The following SYN2 variants were observed in gnomAD, a reference collection of about 807,000 sequenced individuals.
The protein encoded by SYN2 is synapsin-2.
SYN2 carries 19 observed loss-of-function variants against 50.9 expected under a neutral mutation model. That is an observed-to-expected ratio of 0.37 (90% confidence interval 0.26 to 0.55). The LOEUF (loss-of-function observed/expected upper bound fraction) is 0.55, where lower values mean the gene tolerates loss of function less well. SYN2 is among the 20% of genes least tolerant of loss of function. The pLI is 0.81. For synonymous variants in SYN2, 255 were observed against 224.9 expected, an observed-to-expected ratio of 1.13 and a Z score of -1.20; for missense variants, 587 against 576.4, an observed-to-expected ratio of 1.02 and a Z score of -0.19.
rs778632244 is a variant in SYN2, at chr3:12,183,449, G to A, written c.1369+77G>A. The A allele has an allele frequency of 4.3e-6, 7 of 1,609,566 alleles. No homozygotes were observed. In the Admixed American group the frequency reaches 6.8e-5, roughly 16 times the overall value. ...AAGTCCAAGCTTCTTAAAATGATTG[G>A]TGGTTAATTTTTCAAAGCAGAAATT... On this transcript the variant is annotated intron_variant, in intron 11 of 12. Transcript: ENST00000621198.
chr3:12,180,666 A>G (rs1698201492), intron 10 of SYN2, among the ~76,000 whole-genome samples: 1 of 152,126 alleles, frequency 6.6e-6, no homozygotes. Flanking sequence ...ATCTCAGTGG[A>G]GCCGGGGCCA....
chr3:12,016,617 G>A (rs1694034267), intron 1 of SYN2, among the ~76,000 whole-genome samples: 2 of 152,206 alleles, frequency 1.3e-5, no homozygotes, highest in African/African-American at 4.8e-5. Flanking sequence ...AGCTCTTTGG[G>A]AAGCTGAGGC....
chr3:12,187,420 C>T lies in SYN2; in HGVS notation c.1421C>T (p.Pro474Leu), dbSNP rs1207715223. 6.4e-7 allele frequency: 1 copy of T among 1,551,966 alleles called. No homozygotes were observed. Among genetic ancestry groups the T allele is most frequent in the South Asian group, 1.2e-5 (1 of 84,072 alleles). Residue 474 changes from proline to leucine, a missense_variant, in exon 12 of 13, where the codon CCA becomes CTA. Coordinates refer to ENST00000621198, the MANE Select transcript of SYN2 (RefSeq NM_133625.6). Reference protein sequence around the residue: ...GMQPPGKVLPPRRLPPGPSLP... With the variant: ...GMQPPGKVLPLRRLPPGPSLP... ...CAGCCCCCAGGCAAGGTGCTGCCTC[C>T]ACGCCGGCTCCCCCCTGGACCATCA...
chr3:12,096,764 T>C, intron 1 of SYN2, among the ~76,000 whole-genome samples: 1 of 151,920 alleles, frequency 6.6e-6, no homozygotes, highest in East Asian at 1.9e-4. Context: ...TAAAAGTTAG[T>C]AACAAATGAA....
At chr3:12,097,382 G>A (rs1233833653) in intron 1 of SYN2, among the ~76,000 whole-genome samples, 2 of 152,038 alleles carry the variant, frequency 1.3e-5, no homozygotes, top group Non-Finnish European at 2.9e-5. Flanking sequence ...CAAGATGGGT[G>A]GATAACGAGG....
chr3:12,142,127 G>A lies in SYN2; in HGVS notation c.527+131G>A, dbSNP rs545217675. 370 of 608,244 alleles carry A rather than the reference G, an allele frequency of 6.1e-4. 1 individual carries two copies. The highest frequency in any genetic ancestry group is 8.9e-4 in the Non-Finnish European group (299 of 336,188). The allele number at this position is 608,244 out of a possible 1,614,324, so 37.7% of individuals were successfully genotyped here. ...CTATGTATGGTATACAGAATTTAAT[G>A]ATGTGAGTTGTGCAGAAATAGTAGA... On this transcript the variant is annotated intron_variant, in intron 3 of 12. Coordinates refer to ENST00000621198, the MANE Select transcript of SYN2 (RefSeq NM_133625.6).
intron 4 of SYN2, among the ~76,000 whole-genome samples, chr3:12,150,514 C>A (rs1341433304): frequency 6.6e-6 from 1 of 151,794 alleles, no homozygotes; most frequent in East Asian, 1.9e-4. Context: ...GTGGGGGAGC[C>A]CAGGTGTGCA....
In SYN2 at chr3:12,018,669, G is replaced by A. The variant is rs557959606; in HGVS notation, c.377+13741G>A. Among the ~76,000 whole-genome samples the A allele has an allele frequency of 5.3e-5, 8 of 152,264 alleles. No individual in the cohort carries two copies. In the East Asian group the frequency reaches 7.7e-4, roughly 15 times the overall value. Reference sequence around the variant, plus strand: ...GATTGAGACTAGTTTAATTCATGCCGTAACAATTTGCTATTCTTCTCTGAA... The same window carrying A: ...GATTGAGACTAGTTTAATTCATGCCATAACAATTTGCTATTCTTCTCTGAA... On this transcript the variant is annotated intron_variant, in intron 1 of 12. Transcript: ENST00000621198.
intron 1 of SYN2, among the ~76,000 whole-genome samples, chr3:12,089,590 A>T (rs1695782295): frequency 1.3e-5 from 2 of 152,232 alleles, no homozygotes; most frequent in Non-Finnish European, 2.9e-5. Flanking sequence ...CAGGGGGATT[A>T]CTTGAGCCCA....
chr3:12,070,755 T>G (rs1695334968), intron 1 of SYN2: 1 of 729,664 alleles, frequency 1.4e-6, no homozygotes, highest in Admixed American at 1.9e-5. Context: ...CCCTCCCCCA[T>G]GCCGTCCTGC....
intron 1 of SYN2, among the ~76,000 whole-genome samples, chr3:12,095,369 A>T (rs1455974688): frequency 1.4e-5 from 2 of 146,142 alleles, no homozygotes; most frequent in Non-Finnish European, 3.0e-5. Context: ...AACACAGTGA[A>T]ACCTCGTCTC....
chr3:12,177,936 C>T (rs576424934), intron 10 of SYN2, among the ~76,000 whole-genome samples: 1 of 152,166 alleles, frequency 6.6e-6, no homozygotes, highest in Non-Finnish European at 1.5e-5. Flanking sequence ...GCAACTCCCC[C>T]CAGGAGGGAA....
intron 5 of SYN2, chr3:12,156,732 G>A (rs1697467872): frequency 9.5e-7 from 1 of 1,055,188 alleles, no homozygotes; most frequent in Admixed American, 2.0e-5. Context: ...TCAGCCTACT[G>A]CCCAAGGAAG....
intron 1 of SYN2, chr3:12,070,929 A>G (rs1695338433): frequency 3.6e-6 from 2 of 555,090 alleles, no homozygotes; most frequent in Admixed American, 3.8e-5. Flanking sequence ...CCACCGCCGC[A>G]TCCTCCTCCT....
At chr3:12,185,933 A>C (rs1300650456) in intron 11 of SYN2, among the ~76,000 whole-genome samples, 1 of 152,190 alleles carries the variant, frequency 6.6e-6, no homozygotes, top group Admixed American at 6.5e-5. Flanking sequence ...TAGTTATTTG[A>C]TTTGAATTTG....
intron 10 of SYN2, among the ~76,000 whole-genome samples, chr3:12,182,657 C>A (rs966164814): frequency 3.3e-5 from 5 of 152,332 alleles, no homozygotes; most frequent in East Asian, 1.9e-4. Context: ...CAAATGACGA[C>A]CCCTTTCTTT....
At chr3:12,185,760 C>A in intron 11 of SYN2, 1 of 985,820 alleles carries the variant, frequency 1.0e-6, no homozygotes, top group Non-Finnish European at 1.2e-6. Context: ...TTCTGGCTAT[C>A]CAAGTATCTG....
chr3:12,008,121 T>G (rs111458568), intron 1 of SYN2, among the ~76,000 whole-genome samples: 1,839 of 152,326 alleles, frequency 0.012, 23 homozygotes, highest in Admixed American at 0.047. Flanking sequence ...TTTATGTTGT[T>G]TCTTCTGTGT....
intron 1 of SYN2, among the ~76,000 whole-genome samples, chr3:12,124,409 T>A (rs1177482851): frequency 6.6e-6 from 1 of 152,202 alleles, no homozygotes; most frequent in East Asian, 1.9e-4. Context: ...GTCCTTTTTT[T>A]AGAAAAGAAG....
Sources: gnomAD v4.1 joint callset for allele counts (sites outside exome capture counted in the v4.1 genomes callset) on GRCh38, gnomAD v4.1.1 for gene constraint, MANE v1.5 for transcripts, NCBI Gene and HGNC (gene_info 2026-07-23, HGNC 2026-07-21) for gene names.